TTLL5: variants seen among roughly 807,000 people sequenced by gnomAD.
TTLL5 encodes tubulin polyglutamylase TTLL5.
TTLL5 carries 132 observed loss-of-function variants against 168.4 expected under a neutral mutation model. The observed-to-expected ratio is 0.78, with a 90% CI of 0.68 to 0.91. The LOEUF (loss-of-function observed/expected upper bound fraction) is 0.91. Ranked by LOEUF, TTLL5 falls within the 40% of genes least tolerant of loss-of-function variation. The pLI, the probability that TTLL5 is intolerant of heterozygous loss-of-function variation, is 0.00. For missense variants in TTLL5, 1,545 were observed against 1,581.5 expected (o/e 0.98, Z 0.39); for synonymous variants, 546 against 558.6 (o/e 0.98, Z 0.32).
Position 75,699,362 on chromosome 14 carries a change from A to G in TTLL5, c.585+92A>G, listed in dbSNP as rs544656007. ...GTTACTAATATAGTTCCATTTCATT[A>G]AGAGCAGGTGTGCTCTTCTTAAATC... On this transcript the variant is annotated intron_variant, in intron 7 of 31. Coordinates refer to ENST00000298832, the MANE Select transcript of TTLL5 (RefSeq NM_015072.5). 271 of 1,142,318 alleles carry G rather than the reference A, an allele frequency of 2.4e-4. 1 individual carries two copies. Among genetic ancestry groups the G allele is most frequent in the Middle Eastern group, 1.8e-3 (9 of 5,124 alleles). The allele number at this position is 1,142,318 out of a possible 1,614,324, so 70.8% of individuals were successfully genotyped here. A position where few individuals can be genotyped will look rare whatever the true frequency, so the allele number is the denominator to read the frequency against.
rs192932593 is a variant in TTLL5, at chr14:75,707,056, C to A, written c.624C>A (p.Ser208=). ...QISLEENILV[S]RYINNPLLID... is the part of the protein sequence containing the mutation. ...CCCTGGAAGAGAACATTTTGGTCTC[C>A]CGTTACATTAACAACCCCCTGCTCA... Residue 208 remains serine, a synonymous_variant, in exon 8 of 32, where the codon TCC becomes TCA. Transcript: ENST00000298832. 2.0e-4 allele frequency: 327 copies of A among 1,612,692 alleles called. No individual in the cohort carries two copies. Among genetic ancestry groups the A allele is most frequent in the Non-Finnish European group, 2.7e-4 (316 of 1,179,148 alleles).
intron 27 of TTLL5, among the ~76,000 whole-genome samples, chr14:75,801,543 A>G (rs1263674496): frequency 1.3e-5 from 2 of 152,164 alleles, no homozygotes; most frequent in Admixed American, 6.5e-5. Context: ...CTGTTGTGCT[A>G]TCAAATACTA....
chr14:75,770,416 A>G (rs1891234525), intron 20 of TTLL5, among the ~76,000 whole-genome samples: 4 of 152,170 alleles, frequency 2.6e-5, no homozygotes, highest in South Asian at 4.1e-4. Flanking sequence ...TGTGCAGCTT[A>G]CTTTAGCCAA....
chr14:75,870,881 G>GGCTCACTGCAAGCTCCT (rs1368861793), intron 29 of TTLL5, among the ~76,000 whole-genome samples: 3 of 147,542 alleles, frequency 2.0e-5, no homozygotes, highest in African/African-American at 7.5e-5. Flanking sequence ...TGCAAGCTCC[G>GGCTCACTGCAAGCTCCT]CCTCCCAGGT....
chr14:75,910,827 A>G (rs2033348522), intron 31 of TTLL5, among the ~76,000 whole-genome samples: 1 of 152,212 alleles, frequency 6.6e-6, no homozygotes, highest in African/African-American at 2.4e-5. Context: ...AAAGAAAAAG[A>G]CTCAGATTCT....
intron 31 of TTLL5, among the ~76,000 whole-genome samples, chr14:75,909,886 G>T (rs140853363): frequency 6.6e-6 from 1 of 152,232 alleles, no homozygotes; most frequent in Admixed American, 6.5e-5. Flanking sequence ...ATGCGTTCCT[G>T]TCCTGAGGCC....
intron 21 of TTLL5, 47 bp from the exon 22 acceptor site, chr14:75,775,437 A>G (rs771707638): frequency 1.1e-5 from 17 of 1,604,930 alleles, no homozygotes; most frequent in East Asian, 2.2e-5. Context: ...TCTGTTGCTT[A>G]GCACCATCCC....
At chr14:75,681,666 A>G in intron 4 of TTLL5, 39 bp downstream of exon 4, 1 of 1,579,366 alleles carries the variant, frequency 6.3e-7, no homozygotes, top group Non-Finnish European at 8.7e-7. Context: ...TCTGCTCATA[A>G]GCTGAAAATC....
intron 10 of TTLL5, 110 bp from the exon 11 acceptor site, chr14:75,719,625 G>A: frequency 1.1e-6 from 1 of 888,514 alleles, no homozygotes; most frequent in Non-Finnish European, 1.6e-6. Context: ...TCAGCAAAGT[G>A]AATTAAAAAA....
chr14:75,742,245 T>C (rs1889318829), intron 15 of TTLL5, among the ~76,000 whole-genome samples: 1 of 152,218 alleles, frequency 6.6e-6, no homozygotes, highest in South Asian at 2.1e-4. Context: ...TGAATGTTTG[T>C]TTCTTACTCT....
intron 25 of TTLL5, 67 bp downstream of exon 25, chr14:75,782,640 A>T (rs1043105078): frequency 6.9e-6 from 9 of 1,297,842 alleles, no homozygotes; most frequent in African/African-American, 1.5e-5. Context: ...GGAAATAGTC[A>T]TCAGATATTA....
intron 18 of TTLL5, among the ~76,000 whole-genome samples, chr14:75,756,432 T>C (rs1279511721): frequency 2.0e-5 from 3 of 152,136 alleles, no homozygotes; most frequent in African/African-American, 7.2e-5. Flanking sequence ...CTGTGGTGGA[T>C]ACATGAACCT....
At chr14:75,834,506 T>G (rs1895768943) in intron 28 of TTLL5, among the ~76,000 whole-genome samples, 2 of 152,208 alleles carry the variant, frequency 1.3e-5, no homozygotes, top group Middle Eastern at 3.2e-3. Context: ...CCCATTCTTA[T>G]TTGGCAAACA....
intron 28 of TTLL5, among the ~76,000 whole-genome samples, chr14:75,840,692 A>T (rs571177665): frequency 2.0e-5 from 3 of 152,206 alleles, no homozygotes; most frequent in Non-Finnish European, 4.4e-5. Flanking sequence ...TATAGGGTTT[A>T]TAATGAAAAT....
chr14:75,860,747 G>A (rs1356678103), intron 28 of TTLL5, among the ~76,000 whole-genome samples: 1 of 151,870 alleles, frequency 6.6e-6, no homozygotes, highest in African/African-American at 2.4e-5. Context: ...TCCCCCTTTC[G>A]TTCACAGCTC....
intron 31 of TTLL5, among the ~76,000 whole-genome samples, chr14:75,938,562 T>G (rs1188863968): frequency 6.6e-6 from 1 of 152,258 alleles, no homozygotes; most frequent in Non-Finnish European, 1.5e-5. Flanking sequence ...CCCTTTATAA[T>G]TTTCAGAATG....
intron 3 of TTLL5, among the ~76,000 whole-genome samples, chr14:75,677,658 C>T (rs942047293): frequency 6.6e-6 from 1 of 151,720 alleles, no homozygotes. Flanking sequence ...TGCTCTGCCA[C>T]CTGGGCTGGA....
chr14:75,757,167 A>G (rs1890322157), intron 18 of TTLL5, among the ~76,000 whole-genome samples: 1 of 152,048 alleles, frequency 6.6e-6, no homozygotes, highest in African/African-American at 2.4e-5. Context: ...TAGTAGAGAC[A>G]GGGTTTCACC....
chr14:75,868,804 G>A (rs914902740), intron 29 of TTLL5, among the ~76,000 whole-genome samples: 4 of 152,164 alleles, frequency 2.6e-5, no homozygotes, highest in African/African-American at 7.2e-5. Flanking sequence ...TTCAGCTGCT[G>A]TGTGTTTGTG....
Sources: allele counts gnomAD v4.1 joint callset (sites outside exome capture counted in the v4.1 genomes callset), GRCh38; gene constraint gnomAD v4.1.1; transcripts MANE v1.5; gene names NCBI Gene and HGNC (gene_info 2026-07-23, HGNC 2026-07-21).